The following RCAN3 variants were observed in gnomAD, a reference collection of about 807,000 sequenced individuals.
The protein encoded by RCAN3 is calcipressin-3.
Under a neutral mutation model 21.9 loss-of-function variants are expected in RCAN3, and 19 were observed. The observed-to-expected ratio is 0.87, with a 90% CI of 0.61 to 1.27. The LOEUF is 1.27. Among genes scored for constraint, RCAN3 ranks in the 50% most tolerant of loss-of-function variants. The pLI is 0.00. For synonymous variants in RCAN3, 114 were observed against 112.3 expected (o/e 1.01, Z -0.09); for missense variants, 240 against 300.1 (o/e 0.80, Z 1.48).
rs189064644 is a variant in RCAN3, at chr1:24,521,125, T to G, written c.195+6558T>G. Among the ~76,000 whole-genome samples, 5 of 152,286 alleles carry G rather than the reference T, an allele frequency of 3.3e-5. No homozygotes were observed. In the East Asian group the frequency reaches 9.6e-4, roughly 29 times the overall value. Reference sequence around the variant, plus strand: ...AAGACAAACATAGAGATGGATGGAATTGAATAGAAAGCCCAGAGACGAACC... The same window carrying G: ...AAGACAAACATAGAGATGGATGGAAGTGAATAGAAAGCCCAGAGACGAACC... On this transcript the variant is annotated intron_variant, in intron 2 of 4. Coordinates refer to ENST00000374395, the MANE Select transcript of RCAN3 (RefSeq NM_013441.4).
At chr1:24,503,190 G>C (rs1326063440) in intron 1 of RCAN3, 40 bp downstream of exon 1, 5 of 144,054 alleles carry the variant, frequency 3.5e-5, no homozygotes, top group Non-Finnish European at 6.1e-5. Flanking sequence ...CGGGGCGGGT[G>C]GGGGGGGTGG....
At chr1:24,505,448 CTG>C (rs1383283441) in intron 1 of RCAN3, among the ~76,000 whole-genome samples, 2 of 151,878 alleles carry the variant, frequency 1.3e-5, no homozygotes, top group East Asian at 1.9e-4. Flanking sequence ...GTCTCGAACT[CTG>C]GAGCTCTGGC....
At position 24,514,486 on chromosome 1, in the gene RCAN3, G is replaced by C. The variant is rs1250468557; in HGVS notation, c.114G>C (p.Glu38Asp). ...IFGENEDDLD[E>D]MMDLSDLPTS... ...GTGAAAATGAAGATGATTTGGATGA[G>C]ATGATGGATTTAAGTGATCTGCCTA... Residue 38 changes from glutamate (E) to aspartate (D), a missense_variant, in exon 2 of 5, where the codon GAG (glutamate) becomes GAC (aspartate). By Grantham distance (45) the Glu-to-Asp change is conservative. Coordinates refer to ENST00000374395, the MANE Select transcript of RCAN3 (RefSeq NM_013441.4). The C allele has an allele frequency of 1.2e-6, 2 of 1,614,156 alleles. No individual in the cohort carries two copies. Among genetic ancestry groups the C allele is most frequent in the Admixed American group, 1.7e-5 (1 of 60,010 alleles).
At chr1:24,521,585 C>T (rs1035155990) in intron 2 of RCAN3, among the ~76,000 whole-genome samples, 5 of 152,128 alleles carry the variant, frequency 3.3e-5, no homozygotes, top group Admixed American at 1.3e-4. Flanking sequence ...AAGTGGCTCA[C>T]GCCTGTAATC....
chr1:24,509,432 A>T (rs1234012902), intron 1 of RCAN3, among the ~76,000 whole-genome samples: 1 of 152,240 alleles, frequency 6.6e-6, no homozygotes, highest in Non-Finnish European at 1.5e-5. Flanking sequence ...AGTTTATGGA[A>T]TATTGTAAAT....
At chr1:24,531,600 G>T (rs1453379497) in intron 3 of RCAN3, among the ~76,000 whole-genome samples, 1 of 151,968 alleles carries the variant, frequency 6.6e-6, no homozygotes, top group African/African-American at 2.4e-5. Context: ...AAGTTGTTTT[G>T]CTGAGACTAG....
At chr1:24,523,325 A>T (rs1029990578) in intron 2 of RCAN3, among the ~76,000 whole-genome samples, 1 of 152,054 alleles carries the variant, frequency 6.6e-6, no homozygotes, top group Non-Finnish European at 1.5e-5. Flanking sequence ...TTGGCCTCCC[A>T]AAGTGCTGGG....
At chr1:24,529,029 TAAAA>T (rs772051698) in intron 2 of RCAN3, among the ~76,000 whole-genome samples, 3 of 152,118 alleles carry the variant, frequency 2.0e-5, no homozygotes, top group African/African-American at 4.8e-5. Context: ...ATTAAAAAGA[TAAAA>T]AACTCCCATC....
At chr1:24,524,828 G>GTTTTT (rs5773091) in intron 2 of RCAN3, among the ~76,000 whole-genome samples, 8 of 127,226 alleles carry the variant, frequency 6.3e-5, no homozygotes, top group Admixed American at 1.7e-4. Context: ...GTTTTCTTTT[G>GTTTTT]TTTTTTTTTT....
At chr1:24,518,883 C>T (rs1648558806) in intron 2 of RCAN3, among the ~76,000 whole-genome samples, 1 of 152,112 alleles carries the variant, frequency 6.6e-6, no homozygotes, top group Non-Finnish European at 1.5e-5. Flanking sequence ...AAGCAATCCT[C>T]CCACCTCAGC....
At chr1:24,504,274 C>T (rs1468452992) in intron 1 of RCAN3, among the ~76,000 whole-genome samples, 4 of 152,198 alleles carry the variant, frequency 2.6e-5, no homozygotes, top group Non-Finnish European at 5.9e-5. Context: ...GCAGCCTCAA[C>T]TTCCCAGGAT....
rs2148917725 is a variant in RCAN3 at position 24,537,480 on chromosome 1, G to A, written c.*2203G>A. ...GATCTTAACAGATACTATCATCGCT[G>A]TCCTTTTTTGGCTGTTTAATATCTA... On this transcript the variant is annotated 3_prime_UTR_variant, in exon 5 of 5. Transcript: ENST00000374395. 2 of 151,936 alleles carry A rather than the reference G, an allele frequency of 1.3e-5. No individual in the cohort carries two copies. The highest frequency in any genetic ancestry group is 1.3e-4 in the Admixed American group (2 of 15,274). The allele number at this position is 151,936 out of a possible 1,614,324, so 9.4% of individuals were successfully genotyped here.
At chr1:24,515,847 A>G (rs1388010125) in intron 2 of RCAN3, among the ~76,000 whole-genome samples, 2 of 152,112 alleles carry the variant, frequency 1.3e-5, no homozygotes, top group African/African-American at 2.4e-5. Context: ...TAGTGCCTTT[A>G]GAAACACTTG....
intron 2 of RCAN3, among the ~76,000 whole-genome samples, chr1:24,529,820 G>A (rs923389118): frequency 2.6e-5 from 4 of 151,170 alleles, no homozygotes; most frequent in Middle Eastern, 3.4e-3. Context: ...CAAAGTGCTG[G>A]GATTACAGGC....
intron 2 of RCAN3, among the ~76,000 whole-genome samples, chr1:24,530,440 G>C (rs1459344180): frequency 1.3e-5 from 2 of 148,922 alleles, no homozygotes; most frequent in Non-Finnish European, 3.0e-5. Context: ...AAAAAAGCAA[G>C]TTGTGGAAGA....
intron 2 of RCAN3, 70 bp from the exon 3 acceptor site, chr1:24,531,148 C>T: frequency 9.2e-7 from 1 of 1,088,576 alleles, no homozygotes; most frequent in Non-Finnish European, 1.3e-6. Context: ...TTAAATTTCC[C>T]CTTCTGTTAA....
intron 2 of RCAN3, 40 bp from the exon 3 acceptor site, chr1:24,531,178 T>C (rs750181797): frequency 2.9e-6 from 4 of 1,367,684 alleles, no homozygotes; most frequent in Non-Finnish European, 3.9e-6. Context: ...TTTTTTTTTT[T>C]TCCTCCCCTT....
chr1:24,526,938 T>C (rs569820105), intron 2 of RCAN3, among the ~76,000 whole-genome samples: 122 of 152,346 alleles, frequency 8.0e-4, no homozygotes, highest in Non-Finnish European at 1.6e-3. Flanking sequence ...ATAATAATTA[T>C]CAGCATTTAA....
chr1:24,531,499 A>G (rs1330529970), intron 3 of RCAN3, 108 bp downstream of exon 3: 2 of 676,544 alleles, frequency 3.0e-6, no homozygotes. Context: ...GTGTAGAGTG[A>G]ACCATCTCAA....
Sources: allele counts gnomAD v4.1 joint callset (sites outside exome capture counted in the v4.1 genomes callset), GRCh38; gene constraint gnomAD v4.1.1; transcripts MANE v1.5; gene names NCBI Gene and HGNC (gene_info 2026-07-23, HGNC 2026-07-21).